The following RORA variants were observed in gnomAD, a reference collection of about 807,000 sequenced individuals.
RORA encodes nuclear receptor ROR-alpha.
A neutral mutation model predicts 69.5 loss-of-function variants in RORA; 7 were observed. The observed-to-expected ratio is 0.10, with a 90% CI of 0.06 to 0.19. The LOEUF is 0.19. RORA is among the 10% of genes least tolerant of loss of function. The pLI is 1.00. For synonymous variants in RORA, 261 were observed against 240.8 expected, an observed-to-expected ratio of 1.08 and a Z score of -0.78; for missense variants, 457 against 663.0, an observed-to-expected ratio of 0.69 and a Z score of 3.41.
At chr15:60,561,789 T>G (rs1480559981) in intron 2 of RORA, among the ~76,000 whole-genome samples, 1 of 152,084 alleles carries the variant, frequency 6.6e-6, no homozygotes, top group Non-Finnish European at 1.5e-5. Context: ...AGACATAATA[T>G]GGGACTTCAG....
chr15:61,195,048 T>C (rs1311121956), intron 1 of RORA, among the ~76,000 whole-genome samples: 2 of 152,158 alleles, frequency 1.3e-5, no homozygotes, highest in Admixed American at 1.3e-4. Flanking sequence ...TCACCAATTA[T>C]GATTTTTTTG....
At chr15:61,181,289 C>T (rs1159242496) in intron 1 of RORA, 2 of 152,022 alleles carry the variant, frequency 1.3e-5, no homozygotes, top group Non-Finnish European at 2.9e-5. Flanking sequence ...TGAAGGGTAG[C>T]CATTCTACCA....
intron 2 of RORA, among the ~76,000 whole-genome samples, chr15:60,671,749 T>G (rs1436602930): frequency 6.6e-6 from 1 of 151,728 alleles, no homozygotes; most frequent in Non-Finnish European, 1.5e-5. Flanking sequence ...GTAGCTGAGA[T>G]TACAGGCGTG....
At chr15:60,976,172 G>C (rs562965470) in intron 1 of RORA, among the ~76,000 whole-genome samples, 2 of 152,274 alleles carry the variant, frequency 1.3e-5, no homozygotes, top group Admixed American at 1.3e-4. Flanking sequence ...GCGTGGGCCT[G>C]GCCAGGTGGA....
chr15:60,770,558 A>T (rs1363582476), intron 1 of RORA, among the ~76,000 whole-genome samples: 1 of 152,178 alleles, frequency 6.6e-6, no homozygotes, highest in Non-Finnish European at 1.5e-5. Context: ...TAAAATTTCC[A>T]ATGAGCTTTC....
At chr15:60,653,089 G>A (rs1007775772) in intron 2 of RORA, among the ~76,000 whole-genome samples, 2 of 152,162 alleles carry the variant, frequency 1.3e-5, no homozygotes, top group South Asian at 4.1e-4. Context: ...TTACGCTGTG[G>A]GCTTTCGTTT....
intron 1 of RORA, among the ~76,000 whole-genome samples, chr15:61,219,468 G>C (rs138728036): frequency 6.6e-6 from 1 of 152,138 alleles, no homozygotes; most frequent in Admixed American, 6.5e-5. Context: ...CCAGCTATTC[G>C]GGAGGCTGAG....
chr15:60,779,801 T>C (rs2072228111), intron 1 of RORA, among the ~76,000 whole-genome samples: 3 of 152,230 alleles, frequency 2.0e-5, no homozygotes, highest in African/African-American at 7.2e-5. Flanking sequence ...ACTGATATTC[T>C]TTCCATTGAC....
intron 1 of RORA, among the ~76,000 whole-genome samples, chr15:61,149,085 G>A (rs974543046): frequency 1.3e-5 from 2 of 152,184 alleles, no homozygotes; most frequent in African/African-American, 4.8e-5. Flanking sequence ...TGTGGCTTAC[G>A]TAATCAAATG....
At chr15:60,796,017 T>C (rs1449788097) in intron 1 of RORA, among the ~76,000 whole-genome samples, 1 of 152,254 alleles carries the variant, frequency 6.6e-6, no homozygotes. Context: ...ATCATCATTA[T>C]AACATTTTCT....
At chr15:61,010,330 T>C (rs568992213) in intron 1 of RORA, among the ~76,000 whole-genome samples, 1 of 152,188 alleles carries the variant, frequency 6.6e-6, no homozygotes, top group Non-Finnish European at 1.5e-5. Context: ...TTGAGTCCCA[T>C]CTGAGATGTC....
At chr15:61,030,740 A>G (rs992330175) in intron 1 of RORA, among the ~76,000 whole-genome samples, 1 of 152,180 alleles carries the variant, frequency 6.6e-6, no homozygotes, top group Non-Finnish European at 1.5e-5. Context: ...TGTAGCATCT[A>G]AAACAGATTT....
chr15:60,667,609 GT>G (rs1567147988), intron 2 of RORA, among the ~76,000 whole-genome samples: 1 of 151,930 alleles, frequency 6.6e-6, no homozygotes, highest in Non-Finnish European at 1.5e-5. Flanking sequence ...AGTATAGTTC[GT>G]TTTTTGTTTC....
At chr15:61,143,126 AGGAGAGAAGGCAGAT>A (rs2079316045) in intron 1 of RORA, among the ~76,000 whole-genome samples, 1 of 152,182 alleles carries the variant, frequency 6.6e-6, no homozygotes, top group African/African-American at 2.4e-5. Context: ...TGGATACATT[AGGAGAGAAGGCAGAT>A]GCTTATAAAG....
intron 1 of RORA, among the ~76,000 whole-genome samples, chr15:61,105,291 TAA>T (rs1488934294): frequency 6.6e-6 from 1 of 152,188 alleles, no homozygotes; most frequent in African/African-American, 2.4e-5. Flanking sequence ...CCCACTAGAA[TAA>T]AAGTTTCATG....
intron 1 of RORA, among the ~76,000 whole-genome samples, chr15:61,170,472 T>G (rs764367648): frequency 1.3e-5 from 2 of 152,188 alleles, no homozygotes; most frequent in African/African-American, 4.8e-5. Context: ...GTAATTACAC[T>G]GAGCTCGCCT....
intron 1 of RORA, among the ~76,000 whole-genome samples, chr15:61,171,299 G>A (rs1052125242): frequency 6.6e-6 from 1 of 152,162 alleles, no homozygotes; most frequent in Non-Finnish European, 1.5e-5. Flanking sequence ...GCTAGGAACA[G>A]GAGAGCCCAA....
intron 2 of RORA, among the ~76,000 whole-genome samples, chr15:60,624,481 T>TATATATATATATATAC: frequency 8.3e-6 from 1 of 121,024 alleles, no homozygotes; most frequent in Non-Finnish European, 1.7e-5. Flanking sequence ...CATATATATA[T>TATATATATATATATAC]ATATATATAT....
At chr15:60,911,337 A>T (rs1891709601) in intron 1 of RORA, among the ~76,000 whole-genome samples, 1 of 152,052 alleles carries the variant, frequency 6.6e-6, no homozygotes, top group African/African-American at 2.4e-5. Context: ...ACTAGTCTTC[A>T]ACACACCTTC....
Sources: gnomAD v4.1 joint callset for allele counts (sites outside exome capture counted in the v4.1 genomes callset) on GRCh38, gnomAD v4.1.1 for gene constraint, MANE v1.5 for transcripts, NCBI Gene and HGNC (gene_info 2026-07-23, HGNC 2026-07-21) for gene names.